Variants in SCARB1 observed in about 807,000 individuals in gnomAD.
SCARB1 encodes scavenger receptor class B member 1.
SCARB1 carries 30 observed loss-of-function variants against 57.2 expected under a neutral mutation model. That is an observed-to-expected ratio of 0.52 (90% CI 0.39 to 0.71). The LOEUF is 0.71. SCARB1 is among the 30% of genes least tolerant of loss of function. The pLI, the probability that SCARB1 is intolerant of heterozygous loss-of-function variation, is 0.00. For synonymous variants in SCARB1, 249 were observed against 268.3 expected (o/e 0.93, Z 0.70); for missense variants, 543 against 671.2 (o/e 0.81, Z 2.11).
At chr12:124,859,456 A>G (rs1164546479) in intron 1 of SCARB1, among the ~76,000 whole-genome samples, 1 of 152,128 alleles carries the variant, frequency 6.6e-6, no homozygotes, top group African/African-American at 2.4e-5. Context: ...GTGTGAACCC[A>G]GGAGGCAGAG....
At position 124,823,902 on chromosome 12, in the gene SCARB1, C is replaced by T. The variant is rs142049837; in HGVS notation, c.127-6195G>A. On this transcript the variant is annotated intron_variant, in intron 1 of 12. Coordinates refer to ENST00000261693, the MANE Select transcript of SCARB1 (RefSeq NM_005505.5). ...GAATGCGGCCAGGTGTGGTGGCTCA[C>T]ATCTGTAATCCCAGCACTTTGGGAG... is the stretch of plus-strand genomic sequence containing the variant. Among the ~76,000 whole-genome samples, 231 of 152,156 alleles carry T rather than the reference C, an allele frequency of 1.5e-3. 9 individuals carry two copies. The East Asian group carries it at 0.04, about 27-fold the overall frequency.
At chr12:124,833,190 T>C (rs918382485) in intron 1 of SCARB1, among the ~76,000 whole-genome samples, 1 of 116,042 alleles carries the variant, frequency 8.6e-6, no homozygotes, top group African/African-American at 3.5e-5. Context: ...TCAAGATCCT[T>C]AACTTTTTTT....
chr12:124,820,831 C>A (rs1264236859), intron 1 of SCARB1, among the ~76,000 whole-genome samples: 1 of 152,220 alleles, frequency 6.6e-6, no homozygotes, highest in Non-Finnish European at 1.5e-5. Flanking sequence ...GTATGTTCAG[C>A]ACCTGGATCT....
intron 11 of SCARB1, 127 bp downstream of exon 11, chr12:124,786,230 G>C (rs565723353): frequency 6.3e-7 from 1 of 1,598,706 alleles, no homozygotes; most frequent in African/African-American, 1.3e-5. Context: ...CTCCGGCAGA[G>C]ACGCAGGACT....
In SCARB1 at chr12:124,812,060, A is replaced by C; in HGVS notation, c.631-95T>G. The C allele has an allele frequency of 3.3e-6, 3 of 902,932 alleles. No homozygotes were observed. Among genetic ancestry groups the C allele is most frequent in the Non-Finnish European group, 5.4e-6 (3 of 558,942 alleles). 55.9% of individuals were successfully genotyped at this position (902,932 alleles called of 1,614,324 possible). A position where few individuals can be genotyped will look rare whatever the true frequency, so the allele number is the denominator to read the frequency against. On this transcript the variant is annotated intron_variant, in intron 4 of 12. Coordinates refer to ENST00000261693, the MANE Select transcript of SCARB1 (RefSeq NM_005505.5). This position sits in a 1 kb window ranked among gnomAD's most constrained non-coding sequence, Gnocchi z 4.3. ...CTGGGCTGAGCCCTCCTCCCCCTCC[A>C]CCAGAAGGACAGGGCCCCCAGCATC... is the stretch of plus-strand genomic sequence containing the variant.
At chr12:124,848,406 C>T (rs1343564468) in intron 1 of SCARB1, among the ~76,000 whole-genome samples, 1 of 152,198 alleles carries the variant, frequency 6.6e-6, no homozygotes, top group Non-Finnish European at 1.5e-5. Flanking sequence ...TAATGAACAA[C>T]TATGACAAAA....
At chr12:124,840,885 C>G (rs1220554613) in intron 1 of SCARB1, among the ~76,000 whole-genome samples, 3 of 152,206 alleles carry the variant, frequency 2.0e-5, no homozygotes, top group Non-Finnish European at 4.4e-5. Context: ...AAGACTGAGT[C>G]AGGCTGGGCG....
At chr12:124,853,395 T>TG (rs1952504451) in intron 1 of SCARB1, among the ~76,000 whole-genome samples, 2 of 148,484 alleles carry the variant, frequency 1.3e-5, no homozygotes, top group South Asian at 4.2e-4. Flanking sequence ...GTTTTGTTTT[T>TG]TTTTTTTTTT....
At chr12:124,851,763 T>G (rs940833591) in intron 1 of SCARB1, among the ~76,000 whole-genome samples, 1 of 151,948 alleles carries the variant, frequency 6.6e-6, no homozygotes, top group African/African-American at 2.4e-5. Context: ...TGTGCCACCA[T>G]GCCCAGCTAA....
chr12:124,832,348 C>T (rs763100160), intron 1 of SCARB1, among the ~76,000 whole-genome samples: 46 of 152,026 alleles, frequency 3.0e-4, no homozygotes, highest in Non-Finnish European at 5.7e-4. Flanking sequence ...AGTGAAATCC[C>T]GACTCTACTA....
intron 6 of SCARB1, among the ~76,000 whole-genome samples, chr12:124,808,535 C>T (rs1950404959): frequency 6.6e-6 from 1 of 152,214 alleles, no homozygotes; most frequent in Non-Finnish European, 1.5e-5. Context: ...TGCCTAAGAA[C>T]AGTCTCCTCT....
chr12:124,862,591 T>A (rs890401453), intron 1 of SCARB1: 2 of 152,206 alleles, frequency 1.3e-5, no homozygotes, highest in African/African-American at 4.8e-5. Context: ...AGACGTCCAT[T>A]AGAGTGACAA....
chr12:124,830,809 CA>C (rs1011086616), intron 1 of SCARB1, among the ~76,000 whole-genome samples: 22 of 151,966 alleles, frequency 1.4e-4, no homozygotes, highest in African/African-American at 4.8e-4. Context: ...AAAATTAAAG[CA>C]AAAAAAATTT....
intron 1 of SCARB1, among the ~76,000 whole-genome samples, chr12:124,851,515 C>A (rs995124735): frequency 1.3e-5 from 2 of 151,750 alleles, no homozygotes; most frequent in African/African-American, 4.8e-5. Context: ...CATTCCTGCA[C>A]GGAGCAAAAT....
At chr12:124,809,562 G>A (rs560517528) in intron 6 of SCARB1, among the ~76,000 whole-genome samples, 86 of 152,306 alleles carry the variant, frequency 5.6e-4, no homozygotes, top group African/African-American at 2.0e-3. Context: ...CCTGGGGAAC[G>A]GAGACTTGGC....
chr12:124,845,695 ACT>A (rs1456083780), intron 1 of SCARB1, among the ~76,000 whole-genome samples: 1 of 123,792 alleles, frequency 8.1e-6, no homozygotes, highest in Non-Finnish European at 1.7e-5. Context: ...ACACAGCAAG[ACT>A]CTGCCTCAAA....
chr12:124,831,230 C>T (rs898520963), intron 1 of SCARB1, among the ~76,000 whole-genome samples: 5 of 152,042 alleles, frequency 3.3e-5, no homozygotes, highest in South Asian at 2.1e-4. Context: ...CTGCCTGCCT[C>T]GGCCTCCCAA....
chr12:124,840,336 C>T (rs1159407323), intron 1 of SCARB1, among the ~76,000 whole-genome samples: 1 of 152,162 alleles, frequency 6.6e-6, no homozygotes, highest in Non-Finnish European at 1.5e-5. Context: ...TGCCACCACA[C>T]CCGGCTAATT....
At position 124,800,114 on chromosome 12, in the gene SCARB1, A is replaced by C. The variant is rs1430698100; in HGVS notation, c.1128+10T>G. 3 of 1,595,544 alleles carry C rather than the reference A, an allele frequency of 1.9e-6. No individual in the cohort carries two copies. The highest frequency in any genetic ancestry group is 2.6e-6 in the Non-Finnish European group (3 of 1,163,404). ...TCACCCACCCCCCACAGAGGATGGC[A>C]GGGGCTCACCGGGTGGATGTCCAGG... On this transcript the variant is annotated intron_variant, in intron 8 of 12. Transcript: ENST00000261693. This position sits in a 1 kb window ranked among gnomAD's most constrained non-coding sequence, Gnocchi z 4.8.
Sources: allele counts gnomAD v4.1 joint callset (sites outside exome capture counted in the v4.1 genomes callset), GRCh38; gene constraint gnomAD v4.1.1; non-coding constraint Gnocchi (gnomAD v3.1); transcripts MANE v1.5; gene names NCBI Gene and HGNC (gene_info 2026-07-23, HGNC 2026-07-21).